The following LHPP variants were observed in gnomAD, a reference collection of about 807,000 sequenced individuals.
LHPP encodes phospholysine phosphohistidine inorganic pyrophosphate phosphatase.
LHPP carries 24 observed loss-of-function variants against 30.3 expected under a neutral mutation model. The ratio of observed to expected loss-of-function variants is 0.79; its 90% CI spans 0.57 to 1.11. LHPP has a LOEUF of 1.11. LHPP is among the 50% of genes most tolerant of loss of function. The pLI, the probability that LHPP is intolerant of heterozygous loss-of-function variation, is 0.00. For missense variants in LHPP, 356 were observed against 367.2 expected (o/e 0.97, Z 0.25); for synonymous variants, 150 against 157.1 (o/e 0.95, Z 0.34).
At chr10:124,602,157 G>A (rs1008998302) in intron 6 of LHPP, among the ~76,000 whole-genome samples, 9 of 152,326 alleles carry the variant, frequency 5.9e-5, no homozygotes, top group Admixed American at 2.6e-4. Flanking sequence ...ATCTGCTGAC[G>A]TGAGCCCAGA....
chr10:124,600,665 G>T (rs942521256), intron 6 of LHPP, among the ~76,000 whole-genome samples: 1 of 152,226 alleles, frequency 6.6e-6, no homozygotes, highest in Non-Finnish European at 1.5e-5. Flanking sequence ...CCAGGAGGGT[G>T]AGCTCAGGCC....
chr10:124,520,777 GAC>G (rs1357020867), intron 6 of LHPP, among the ~76,000 whole-genome samples: 3 of 152,240 alleles, frequency 2.0e-5, no homozygotes, highest in Non-Finnish European at 2.9e-5. Context: ...TGCACTGTCA[GAC>G]ACAGTAGCGG....
chr10:124,499,100 A>G, intron 5 of LHPP, among the ~76,000 whole-genome samples: 1 of 151,624 alleles, frequency 6.6e-6, no homozygotes, highest in East Asian at 1.9e-4. Context: ...GGCTGGTCTC[A>G]AATTCCTGAC....
At chr10:124,504,133 A>G (rs1953990220) in intron 5 of LHPP, among the ~76,000 whole-genome samples, 1 of 152,112 alleles carries the variant, frequency 6.6e-6, no homozygotes, top group East Asian at 1.9e-4. Context: ...CGGAGGTTAC[A>G]GTGAGCCGAG....
chr10:124,607,298 G>A (rs946336010), intron 6 of LHPP, among the ~76,000 whole-genome samples: 7 of 152,204 alleles, frequency 4.6e-5, no homozygotes, highest in African/African-American at 1.7e-4. Flanking sequence ...GCTGCTTCAG[G>A]GGCTTTGGGG....
intron 6 of LHPP, among the ~76,000 whole-genome samples, chr10:124,607,635 T>G (rs1462911552): frequency 6.6e-6 from 1 of 152,172 alleles, no homozygotes. Flanking sequence ...ACAATAAGCC[T>G]GGCCCCAGGG....
In LHPP at chr10:124,471,400, A is replaced by G. The variant is rs530603824; in HGVS notation, c.125+9413A>G. ...TAGAACTCCAAAATTATATATATAT[A>G]ATATATATATTTATATATTATATAT... is the stretch of plus-strand genomic sequence containing the variant. On this transcript the variant is annotated intron_variant, in intron 1 of 6. Transcript: ENST00000368842. 8.9e-4 allele frequency among the ~76,000 whole-genome samples: 61 copies of G among 68,708 alleles called. 3 individuals are homozygous for G. The highest frequency in any genetic ancestry group is 1.6e-3 in the Admixed American group (6 of 3,768). 45.1% of individuals were successfully genotyped at this position (68,708 alleles called of 152,430 possible).
At chr10:124,543,565 G>A (rs1357599471) in intron 6 of LHPP, among the ~76,000 whole-genome samples, 1 of 145,304 alleles carries the variant, frequency 6.9e-6, no homozygotes, top group Non-Finnish European at 1.5e-5. Flanking sequence ...TAGGTTGCCA[G>A]GGCCACTAGC....
chr10:124,462,102 CG>C (rs954317242), intron 1 of LHPP, 115 bp downstream of exon 1: 7 of 986,120 alleles, frequency 7.1e-6, no homozygotes, highest in African/African-American at 6.9e-5. Flanking sequence ...GGCCCCGCCT[CG>C]GTCTCCCCCT....
At chr10:124,594,022 T>C (rs1054274592) in intron 6 of LHPP, among the ~76,000 whole-genome samples, 3 of 152,204 alleles carry the variant, frequency 2.0e-5, no homozygotes, top group African/African-American at 7.2e-5. Context: ...AACTAGAGAC[T>C]GTTATTATTA....
At chr10:124,602,218 C>T (rs1949032893) in intron 6 of LHPP, among the ~76,000 whole-genome samples, 1 of 152,218 alleles carries the variant, frequency 6.6e-6, no homozygotes, top group South Asian at 2.1e-4. Context: ...CCAGCTCTGC[C>T]ACTTCTGGCT....
chr10:124,516,469 G>A (rs921337953), intron 5 of LHPP, among the ~76,000 whole-genome samples: 1 of 152,242 alleles, frequency 6.6e-6, no homozygotes. Context: ...TGTGTCCACA[G>A]TCTGGAAGCA....
intron 3 of LHPP, among the ~76,000 whole-genome samples, chr10:124,494,464 T>G (rs917914206): frequency 6.6e-6 from 1 of 152,202 alleles, no homozygotes; most frequent in Non-Finnish European, 1.5e-5. Flanking sequence ...GGTATATTCT[T>G]TCCTCCGTCC....
rs145075660 is a variant in LHPP at position 124,530,219 on chromosome 10, C to T, written c.716+12948C>T. Among the ~76,000 whole-genome samples, 4 of 152,294 alleles carry T rather than the reference C, an allele frequency of 2.6e-5. No homozygotes were observed. The South Asian group carries it at 6.2e-4, about 24-fold the overall frequency. On this transcript the variant is annotated intron_variant, in intron 6 of 6. Coordinates refer to ENST00000368842, the MANE Select transcript of LHPP (RefSeq NM_022126.4). ...ATCCTGCCTGCCGCCTCCTGCCTCC[C>T]GCCCCACCCCTCCTGCGTCCCAGCC...
At chr10:124,586,434 A>G (rs192700963) in intron 6 of LHPP, among the ~76,000 whole-genome samples, 64 of 152,316 alleles carry the variant, frequency 4.2e-4, no homozygotes, top group Middle Eastern at 3.4e-3. Flanking sequence ...AGCATGGACT[A>G]TGGTCAGTTA....
intron 6 of LHPP, among the ~76,000 whole-genome samples, chr10:124,603,733 C>G (rs542759403): frequency 6.6e-6 from 1 of 152,342 alleles, no homozygotes; most frequent in African/African-American, 2.4e-5. Flanking sequence ...ACCCTTCGTG[C>G]CAGGACCCAG....
At chr10:124,506,728 AAGGAGGATTTCAGGTT>A (rs1954088571) in intron 5 of LHPP, among the ~76,000 whole-genome samples, 1 of 57,012 alleles carries the variant, frequency 1.8e-5, no homozygotes, top group Non-Finnish European at 3.2e-5. Context: ...TGGGGTGGGT[AAGGAGGATTTCAGGTT>A]GGGGGGTAGG....
intron 6 of LHPP, among the ~76,000 whole-genome samples, chr10:124,594,457 C>T (rs1457205883): frequency 6.6e-6 from 1 of 151,960 alleles, no homozygotes; most frequent in Non-Finnish European, 1.5e-5. Flanking sequence ...GCTGTGGGCA[C>T]GTGCACATAT....
In LHPP at chr10:124,496,928, C is replaced by T; in HGVS notation, c.468-33C>T. 2 of 1,596,860 alleles carry T rather than the reference C, an allele frequency of 1.3e-6. No homozygotes were observed. Among genetic ancestry groups the T allele is most frequent in the Non-Finnish European group, 1.7e-6 (2 of 1,167,744 alleles). On this transcript the variant is annotated intron_variant, in intron 3 of 6. Transcript: ENST00000368842. The surrounding 1 kb of genome is among the most constrained non-coding windows in gnomAD (Gnocchi z 4.3). ...CATCCTGCGGTCAGCTCCCCGTGCT[C>T]AGCATCCCGTGCTCCGTTCTGCTCT...
Sources: allele counts gnomAD v4.1 joint callset (sites outside exome capture counted in the v4.1 genomes callset), GRCh38; gene constraint gnomAD v4.1.1; non-coding constraint Gnocchi (gnomAD v3.1); transcripts MANE v1.5; gene names NCBI Gene and HGNC (gene_info 2026-07-23, HGNC 2026-07-21).